CCT6B: variants seen among roughly 807,000 people sequenced by gnomAD.
CCT6B encodes the protein probable T-complex protein 1 subunit zeta-2.
In CCT6B, 49 loss-of-function variants were observed where a neutral mutation model predicts 61.5. That is an observed-to-expected ratio of 0.80 (90% CI 0.63 to 1.01). The LOEUF is 1.01. CCT6B is among the 50% of genes least tolerant of loss of function. The pLI is 0.00. For missense variants in CCT6B, 666 were observed against 634.7 expected, an observed-to-expected ratio of 1.05 and a Z score of -0.53; for synonymous variants, 228 against 214.5, an observed-to-expected ratio of 1.06 and a Z score of -0.55.
chr17:34,954,703 G>T (rs2090330063), intron 3 of CCT6B, 104 bp from the exon 4 acceptor site: 3 of 830,338 alleles, frequency 3.6e-6, no homozygotes, highest in Middle Eastern at 3.4e-4. Context: ...TCACATTAAT[G>T]CCATGAAATA....
At position 34,929,032 on chromosome 17, in the gene CCT6B, C is replaced by A; in HGVS notation, c.1453G>T (p.Glu485Ter). 1 of 1,601,770 alleles carries A rather than the reference C, an allele frequency of 6.2e-7. No homozygotes were observed. Among genetic ancestry groups the A allele is most frequent in the Non-Finnish European group, 8.5e-7 (1 of 1,171,156 alleles). ...CCTGCATCTGCTGCTACCATTGGCTCACCTGAAAAGTAAAAACAATTTTCA... is the reference window on the plus strand; with the variant it reads ...CCTGCATCTGCTGCTACCATTGGCTAACCTGAAAAGTAAAAACAATTTTCA... ...QLVGVDLNTG[E>*]PMVAADAGVW... The change falls in exon 13 of 14, where the codon GAG becomes TAG. Residue 485 changes from glutamate (E) to a stop codon, truncating the protein, a stop_gained and splice_region_variant. Transcript: ENST00000314144. LOFTEE classifies it high-confidence loss of function.
chr17:34,933,491 C>A (rs1353207591), intron 10 of CCT6B, among the ~76,000 whole-genome samples: 1 of 152,168 alleles, frequency 6.6e-6, no homozygotes, highest in Non-Finnish European at 1.5e-5. Flanking sequence ...AACATAACCG[C>A]TCAAAGAGTT....
chr17:34,932,177 C>T (rs931076305), intron 11 of CCT6B, among the ~76,000 whole-genome samples, 190 bp downstream of exon 11: 4 of 152,114 alleles, frequency 2.6e-5, no homozygotes, highest in Admixed American at 2.6e-4. Flanking sequence ...TTCATGAGAT[C>T]GTGCAAGGAT....
intron 5 of CCT6B, among the ~76,000 whole-genome samples, chr17:34,949,068 G>GGGGAA (rs2090258688): frequency 7.5e-5 from 6 of 80,158 alleles, no homozygotes; most frequent in Admixed American, 6.0e-4. Flanking sequence ...AGGAAGGGAA[G>GGGGAA]GGGGAGGGGA....
chr17:34,947,471 G>T (rs1461488845), intron 5 of CCT6B, among the ~76,000 whole-genome samples: 3 of 152,156 alleles, frequency 2.0e-5, no homozygotes, highest in Non-Finnish European at 2.9e-5. Flanking sequence ...AATAATGAAA[G>T]CTAGAAAGCA....
chr17:34,942,403 T>A, intron 7 of CCT6B, 81 bp downstream of exon 7: 1 of 1,088,154 alleles, frequency 9.2e-7, no homozygotes, highest in Non-Finnish European at 1.3e-6. Context: ...GTCTTAGGGA[T>A]TCTTAGGGGT....
At chr17:34,943,505 T>C (rs1419308596) in intron 5 of CCT6B, 1 of 152,194 alleles carries the variant, frequency 6.6e-6, no homozygotes, top group Non-Finnish European at 1.5e-5. Context: ...AAAATATTTA[T>C]AGGGCTAGCT....
intron 7 of CCT6B, 142 bp downstream of exon 7, chr17:34,942,342 T>G: frequency 1.6e-6 from 1 of 615,014 alleles, no homozygotes; most frequent in South Asian, 2.2e-5. Flanking sequence ...ATGTAAAAGG[T>G]GTAATTATTA....
At chr17:34,953,301 A>G (rs1454772806) in intron 4 of CCT6B, among the ~76,000 whole-genome samples, 4 of 147,400 alleles carry the variant, frequency 2.7e-5, no homozygotes, top group African/African-American at 9.8e-5. Context: ...TATCCAGCCA[A>G]TCTTGTCTTT....
chr17:34,936,084 G>A (rs923884341), intron 10 of CCT6B, among the ~76,000 whole-genome samples: 1 of 152,142 alleles, frequency 6.6e-6, no homozygotes, highest in African/African-American at 2.4e-5. Flanking sequence ...ACGAGAAGCT[G>A]AGATTGCAGG....
rs565083032 is a variant in CCT6B at position 34,961,460 on chromosome 17, C to A, written c.-67G>T. The A allele has an allele frequency of 3.2e-6, 5 of 1,560,596 alleles. No homozygotes were observed. The highest frequency in any genetic ancestry group is 1.4e-5 in the African/African-American group (1 of 72,876). The stretch of plus-strand genomic sequence containing the variant: ...GCGATTCTGAGCAAAAACGGCAATG[C>A]GACGCCACGCTCTCTTGAGCCTCGG... On this transcript the variant is annotated 5_prime_UTR_variant, in exon 1 of 14. Coordinates refer to ENST00000314144, the MANE Select transcript of CCT6B (RefSeq NM_006584.4).
Position 34,932,519 on chromosome 17 carries a change from A to G in CCT6B, c.1214-19T>C. 1.3e-6 allele frequency: 2 copies of G among 1,579,586 alleles called. No individual in the cohort carries two copies. Among genetic ancestry groups the G allele is most frequent in the Non-Finnish European group, 1.7e-6 (2 of 1,168,910 alleles). ...ATACAACCTATTGGAGAGAAAAAATATGATTGGCAAGACATGCCATAAAGA... is the reference window on the plus strand; with the variant it reads ...ATACAACCTATTGGAGAGAAAAAATGTGATTGGCAAGACATGCCATAAAGA... On this transcript the variant is annotated intron_variant, in intron 10 of 13. Transcript: ENST00000314144.
At chr17:34,939,102 T>C (rs189477887) in intron 10 of CCT6B, 81 bp downstream of exon 10, 2 of 1,141,270 alleles carry the variant, frequency 1.8e-6, no homozygotes, top group African/African-American at 3.2e-5. Context: ...CATATATACA[T>C]ACATAGGTGT....
intron 12 of CCT6B, among the ~76,000 whole-genome samples, chr17:34,930,097 C>T (rs1467019928): frequency 3.3e-5 from 5 of 152,086 alleles, no homozygotes; most frequent in Admixed American, 3.3e-4. Flanking sequence ...CATGGTGAAA[C>T]CCTGTCTCTA....
intron 7 of CCT6B, among the ~76,000 whole-genome samples, chr17:34,941,548 G>T (rs1479673783): frequency 1.3e-5 from 2 of 152,174 alleles, no homozygotes; most frequent in African/African-American, 4.8e-5. Flanking sequence ...AAATGTTATT[G>T]ACAACAAATA....
At chr17:34,935,064 A>G (rs1443378594) in intron 10 of CCT6B, among the ~76,000 whole-genome samples, 1 of 152,254 alleles carries the variant, frequency 6.6e-6, no homozygotes, top group South Asian at 2.1e-4. Flanking sequence ...ATAGAATATT[A>G]TTCAATGGTA....
At chr17:34,956,450 A>G (rs2090348607) in intron 3 of CCT6B, among the ~76,000 whole-genome samples, 1 of 152,106 alleles carries the variant, frequency 6.6e-6, no homozygotes. Context: ...CAGTGATTCC[A>G]TCATATACTG....
chr17:34,936,695 T>C (rs2090098602), intron 10 of CCT6B, among the ~76,000 whole-genome samples: 1 of 151,846 alleles, frequency 6.6e-6, no homozygotes, highest in Non-Finnish European at 1.5e-5. Context: ...ATAAAATATA[T>C]AGAGATAAAT....
At position 34,939,681 on chromosome 17, in the gene CCT6B, T is replaced by C. The variant is rs1429427554; in HGVS notation, c.1001A>G (p.Asn334Ser). 1 of 1,613,330 alleles carries C rather than the reference T, an allele frequency of 6.2e-7. No homozygotes were observed. The highest frequency in any genetic ancestry group is 1.7e-5 in the Admixed American group (1 of 60,008). The change falls in exon 9 of 14, where the codon AAT becomes AGT. Residue 334 changes from asparagine (N) to serine (S), a missense_variant. Coordinates refer to ENST00000314144, the MANE Select transcript of CCT6B (RefSeq NM_006584.4). ...ATCTACAGTGAGATCTTCAAAAGAATTCACGGCCATTCCACCACAAGCAAG... is the reference window on the plus strand; with the variant it reads ...ATCTACAGTGAGATCTTCAAAAGAACTCACGGCCATTCCACCACAAGCAAG... ...LSLACGGMAV[N>S]SFEDLTVDCL...
Sources: allele counts gnomAD v4.1 joint callset (sites outside exome capture counted in the v4.1 genomes callset), GRCh38; gene constraint gnomAD v4.1.1; transcripts MANE v1.5; gene names NCBI Gene and HGNC (gene_info 2026-07-23, HGNC 2026-07-21).